Variants in CTNNA3 observed in about 807,000 individuals in gnomAD.
CTNNA3 encodes catenin alpha-3.
A neutral mutation model predicts 95.7 loss-of-function variants in CTNNA3; 76 were observed. The observed-to-expected ratio is 0.79, with a 90% confidence interval of 0.66 to 0.96. The LOEUF (loss-of-function observed/expected upper bound fraction) is 0.96. Ranked by LOEUF, CTNNA3 falls within the 40% of genes least tolerant of loss-of-function variation. The pLI, the probability that CTNNA3 is intolerant of heterozygous loss-of-function variation, is 0.00. For synonymous variants in CTNNA3, 431 were observed against 374.4 expected (o/e 1.15, Z -1.74); for missense variants, 1,191 against 1,089.8 (o/e 1.09, Z -1.31).
rs138297530 is a variant in CTNNA3, at chr10:67,159,192, G to A, written c.1047+21125C>T. On this transcript the variant is annotated intron_variant, in intron 7 of 17. Transcript: ENST00000433211. Reference sequence around the variant, plus strand: ...ACCGCCAGCGCATGCAGCCCCTGTCGTGTACCCCTTGCTTGCTCAAATCAA... The same window carrying A: ...ACCGCCAGCGCATGCAGCCCCTGTCATGTACCCCTTGCTTGCTCAAATCAA... 7.2e-3 allele frequency among the ~76,000 whole-genome samples: 1,094 copies of A among 152,308 alleles called. 20 individuals are homozygous for A. Among genetic ancestry groups the A allele is most frequent in the African/African-American group, 0.025 (1,024 of 41,570 alleles).
chr10:67,529,672 TA>T (rs1055795449), intron 4 of CTNNA3, among the ~76,000 whole-genome samples: 2 of 151,352 alleles, frequency 1.3e-5, no homozygotes, highest in Non-Finnish European at 2.9e-5. Context: ...TAAAATAAAA[TA>T]AAATAAAATT....
intron 7 of CTNNA3, among the ~76,000 whole-genome samples, chr10:66,912,402 A>T (rs1846260262): frequency 6.6e-6 from 1 of 152,240 alleles, no homozygotes; most frequent in Non-Finnish European, 1.5e-5. Context: ...AATAGGGTAT[A>T]GTTTGTTTCT....
chr10:66,769,116 C>T (rs953942173), intron 8 of CTNNA3, among the ~76,000 whole-genome samples: 19 of 152,252 alleles, frequency 1.2e-4, no homozygotes, highest in African/African-American at 4.6e-4. Flanking sequence ...GCAACTATAG[C>T]CAAAAAGTCT....
rs371084678 is a variant in CTNNA3, at chr10:66,825,950, AC to A, written c.1048-50427del. ...TTCCTTCTCTGAATTCCTACTGTCT[AC>A]TTTTTTAGTTCAACATGTATATATA... is the stretch of plus-strand genomic sequence containing the variant. On this transcript the variant is annotated intron_variant, in intron 7 of 17. Transcript: ENST00000433211. Among the ~76,000 whole-genome samples the A allele has an allele frequency of 4.1e-3, 617 of 152,200 alleles. 5 individuals carry two copies. The highest frequency in any genetic ancestry group is 0.013 in the African/African-American group (559 of 41,514).
chr10:66,441,547 A>G (rs535009284), intron 11 of CTNNA3, among the ~76,000 whole-genome samples: 1 of 152,366 alleles, frequency 6.6e-6, no homozygotes, highest in Admixed American at 6.5e-5. Flanking sequence ...AGACTAAATA[A>G]TTAAGAACTC....
At chr10:66,996,947 C>G (rs1851388670) in intron 7 of CTNNA3, among the ~76,000 whole-genome samples, 1 of 151,990 alleles carries the variant, frequency 6.6e-6, no homozygotes, top group Admixed American at 6.6e-5. Context: ...GACATTAAAT[C>G]AAGAGGTTTA....
intron 11 of CTNNA3, among the ~76,000 whole-genome samples, chr10:66,402,571 C>T (rs2093029065): frequency 6.6e-6 from 1 of 152,052 alleles, no homozygotes; most frequent in African/African-American, 2.4e-5. Context: ...TGAGATAGAG[C>T]AGGGATACCA....
intron 1 of CTNNA3, among the ~76,000 whole-genome samples, chr10:67,745,606 C>T (rs1033783721): frequency 8.6e-5 from 13 of 151,572 alleles, no homozygotes; most frequent in Admixed American, 7.9e-4. Flanking sequence ...CACATATATA[C>T]ATATGTAACA....
chr10:67,584,891 G>A (rs1454348147), intron 3 of CTNNA3, among the ~76,000 whole-genome samples: 1 of 152,242 alleles, frequency 6.6e-6, no homozygotes, highest in Non-Finnish European at 1.5e-5. Context: ...ATCTCCTGGT[G>A]TGCCGTTTGC....
chr10:66,938,147 C>G (rs1474498786), intron 7 of CTNNA3, among the ~76,000 whole-genome samples: 1 of 152,110 alleles, frequency 6.6e-6, no homozygotes, highest in Non-Finnish European at 1.5e-5. Context: ...CCTTATATTT[C>G]TTTGTGTAGT....
chr10:67,519,857 T>A (rs1194280893), intron 5 of CTNNA3, among the ~76,000 whole-genome samples: 1 of 152,168 alleles, frequency 6.6e-6, no homozygotes, highest in Non-Finnish European at 1.5e-5. Context: ...CTTTCTGGCG[T>A]GTGCTTCATC....
At chr10:67,319,586 A>C (rs1459613165) in intron 5 of CTNNA3, among the ~76,000 whole-genome samples, 2 of 152,130 alleles carry the variant, frequency 1.3e-5, no homozygotes, top group African/African-American at 2.4e-5. Context: ...CTCTCCTTAT[A>C]ATTTGAAGAT....
intron 5 of CTNNA3, among the ~76,000 whole-genome samples, chr10:67,406,893 C>A (rs2132824242): frequency 6.6e-6 from 1 of 152,204 alleles, no homozygotes; most frequent in African/African-American, 2.4e-5. Context: ...CTGAACAGAT[C>A]AACAACAAGC....
chr10:66,710,262 G>A, intron 9 of CTNNA3, among the ~76,000 whole-genome samples: 1 of 151,938 alleles, frequency 6.6e-6, no homozygotes, highest in East Asian at 1.9e-4. Context: ...ATTTCTTCAA[G>A]GTTTCCTTAC....
intron 9 of CTNNA3, among the ~76,000 whole-genome samples, chr10:66,696,645 T>C (rs572127826): frequency 9.2e-5 from 14 of 152,208 alleles, no homozygotes; most frequent in Admixed American, 6.5e-4. Flanking sequence ...ATCTAAAATA[T>C]TTCTGGGGCA....
chr10:67,759,404 G>A (rs1011528779), intron 1 of CTNNA3, among the ~76,000 whole-genome samples: 2 of 152,198 alleles, frequency 1.3e-5, no homozygotes, highest in Non-Finnish European at 2.9e-5. Flanking sequence ...TGAGTGAAGT[G>A]CAAAAGCACA....
chr10:66,404,233 T>A (rs1010506226), intron 11 of CTNNA3, among the ~76,000 whole-genome samples: 1 of 152,144 alleles, frequency 6.6e-6, no homozygotes, highest in Non-Finnish European at 1.5e-5. Flanking sequence ...GTAGCACCCA[T>A]AACCTAAATC....
At chr10:67,204,450 TTCC>T (rs1490328877) in intron 6 of CTNNA3, among the ~76,000 whole-genome samples, 1 of 152,148 alleles carries the variant, frequency 6.6e-6, no homozygotes, top group Non-Finnish European at 1.5e-5. Context: ...GATTGAAAGT[TTCC>T]TGAGGCTGCC....
intron 7 of CTNNA3, among the ~76,000 whole-genome samples, chr10:67,011,914 GC>G (rs1338727829): frequency 1.3e-5 from 2 of 152,048 alleles, no homozygotes; most frequent in African/African-American, 2.4e-5. Context: ...ATAAACACCT[GC>G]CCTTGAAACC....
Sources: allele counts gnomAD v4.1 joint callset (sites outside exome capture counted in the v4.1 genomes callset), GRCh38; gene constraint gnomAD v4.1.1; transcripts MANE v1.5; gene names NCBI Gene and HGNC (gene_info 2026-07-23, HGNC 2026-07-21).